The following TTI1 variants were observed in gnomAD, a reference collection of about 807,000 sequenced individuals.
TTI1 encodes the protein TELO2-interacting protein 1 homolog.
TTI1 carries 52 observed loss-of-function variants against 85.4 expected under a neutral mutation model. The ratio of observed to expected loss-of-function variants is 0.61; its 90% CI spans 0.49 to 0.77. TTI1 has a LOEUF of 0.77. Ranked by LOEUF, TTI1 falls within the 30% of genes least tolerant of loss-of-function variation. The probability of loss-of-function intolerance (pLI) is 0.00; values close to 1 mark genes in which losing one functional copy is unlikely to be tolerated. For synonymous variants in TTI1, 512 were observed against 503.9 expected (o/e 1.02, Z -0.22); for missense variants, 1,173 against 1,296.0 (o/e 0.91, Z 1.46).
intron 7 of TTI1, 50 bp from the exon 8 acceptor site, chr20:37,983,689 G>A (rs981692383): frequency 2.8e-6 from 4 of 1,420,970 alleles, no homozygotes; most frequent in Non-Finnish European, 2.8e-6. Context: ...AGGGAAGGCG[G>A]GGAATGCTAC....
At chr20:37,995,393 C>T (rs180984513) in intron 7 of TTI1, among the ~76,000 whole-genome samples, 32 of 152,386 alleles carry the variant, frequency 2.1e-4, no homozygotes, top group African/African-American at 7.5e-4. Flanking sequence ...CTTTCCACTC[C>T]TCAGGGAATG....
chr20:37,983,567 C>T lies in TTI1; in HGVS notation c.3159G>A (p.Val1053=). ...WFLLNELYCP[V]QFTPPHPSLH... ...GGCTGGGGTGGGGAGGTGTGAACTG[C>T]ACGGGGCAGTAAAGCTCGTTCAGGA... Residue 1053 remains valine, a synonymous_variant, in exon 8 of 8, where the codon GTG becomes GTA. Transcript: ENST00000373447. 1.2e-6 allele frequency: 2 copies of T among 1,602,930 alleles called. No homozygotes were observed. The highest frequency in any genetic ancestry group is 1.7e-5 in the Admixed American group (1 of 58,276).
At chr20:38,005,523 T>C (rs145581792) in intron 3 of TTI1, among the ~76,000 whole-genome samples, 153 of 152,232 alleles carry the variant, frequency 1.0e-3, no homozygotes, top group Non-Finnish European at 1.5e-3. Flanking sequence ...GAAAGAAGCT[T>C]ATAAAGACAT....
intron 1 of TTI1, among the ~76,000 whole-genome samples, chr20:38,017,824 C>T (rs893099022): frequency 2.6e-4 from 40 of 152,150 alleles, no homozygotes; most frequent in Non-Finnish European, 3.2e-4. Flanking sequence ...CTCCTAAAGG[C>T]TTTCATGTCT....
At chr20:37,997,455 C>T (rs2073358902) in intron 5 of TTI1, among the ~76,000 whole-genome samples, 1 of 152,188 alleles carries the variant, frequency 6.6e-6, no homozygotes, top group African/African-American at 2.4e-5. Flanking sequence ...GGCAGGGTCC[C>T]TGAAGTTGCA....
chr20:37,999,079 T>C, intron 5 of TTI1, 109 bp downstream of exon 5: 1 of 1,173,360 alleles, frequency 8.5e-7, no homozygotes, highest in South Asian at 3.6e-5. Flanking sequence ...TTCTTCACAG[T>C]ATGTGACATT....
chr20:38,014,586 T>C (rs185955137), intron 1 of TTI1, among the ~76,000 whole-genome samples: 1 of 151,990 alleles, frequency 6.6e-6, no homozygotes, highest in East Asian at 1.9e-4. Context: ...GACAGCAACA[T>C]AAAGCGAAAG....
At chr20:38,025,403 C>T (rs1305139503) in intron 1 of TTI1, among the ~76,000 whole-genome samples, 4 of 151,796 alleles carry the variant, frequency 2.6e-5, no homozygotes, top group African/African-American at 9.7e-5. Flanking sequence ...ACCGTATCTC[C>T]ACTAAAAATA....
chr20:37,995,302 A>G lies in TTI1; in HGVS notation c.3086+1073T>C, dbSNP rs2073323210. ...CAGCAAAGGACAATAAATCAATTCA[A>G]GAAGATATTACCATCACTCCCAGGG... On this transcript the variant is annotated intron_variant, in intron 7 of 7. Transcript: ENST00000373447. Among the ~76,000 whole-genome samples, 3 of 152,242 alleles carry G rather than the reference A, an allele frequency of 2.0e-5. No individual in the cohort carries two copies. The South Asian group carries it at 6.2e-4, about 32-fold the overall frequency.
chr20:37,999,206 T>C lies in TTI1; in HGVS notation c.2775A>G (p.Ala925=), dbSNP rs772762850. ...GCAGTACCTTGAAGGCTCTAAGCAC[T>C]GCCAGGGGGGCGTCCCGTGTGAGTC... ...VHRLTRDAPL[A]VLRAFKVLRT... Residue 925 remains alanine, a synonymous_variant, in exon 5 of 8, where the codon GCA becomes GCG. Coordinates refer to ENST00000373447, the MANE Select transcript of TTI1 (RefSeq NM_001303457.2). 2 of 1,479,702 alleles carry C rather than the reference T, an allele frequency of 1.4e-6. No homozygotes were observed. The highest frequency in any genetic ancestry group is 1.8e-6 in the Non-Finnish European group (2 of 1,111,346). The allele number at this position is 1,479,702 out of a possible 1,614,324, so 91.7% of individuals were successfully genotyped here.
chr20:38,010,467 C>CTTTTT (rs764386880), intron 2 of TTI1, among the ~76,000 whole-genome samples: 18 of 104,422 alleles, frequency 1.7e-4, no homozygotes, highest in South Asian at 6.5e-4. Context: ...TTTGCCATTC[C>CTTTTT]TTTTTTTTTT....
At chr20:38,000,916 G>A (rs550059859) in intron 4 of TTI1, among the ~76,000 whole-genome samples, 144 of 152,278 alleles carry the variant, frequency 9.5e-4, no homozygotes, top group Non-Finnish European at 1.8e-3. Context: ...GGCCTTCCCC[G>A]ATGACCTAGG....
At chr20:38,021,755 G>A (rs1028574574) in intron 1 of TTI1, among the ~76,000 whole-genome samples, 3 of 152,078 alleles carry the variant, frequency 2.0e-5, no homozygotes, top group Non-Finnish European at 2.9e-5. Context: ...CACTGCCCCC[G>A]GCAAGCCTAT....
chr20:38,004,997 C>T (rs1360332646), intron 3 of TTI1, among the ~76,000 whole-genome samples: 1 of 152,082 alleles, frequency 6.6e-6, no homozygotes, highest in Non-Finnish European at 1.5e-5. Flanking sequence ...AGCAATGACT[C>T]AATTCTGCAT....
At chr20:38,031,885 G>GT (rs1254553283) in intron 1 of TTI1, among the ~76,000 whole-genome samples, 3 of 152,200 alleles carry the variant, frequency 2.0e-5, no homozygotes, top group Non-Finnish European at 4.4e-5. Flanking sequence ...TAAGACTGAT[G>GT]TAAGAATTAA....
Position 37,983,450 on chromosome 20 carries a change from G to A in TTI1, c.*6C>T. 1.2e-6 allele frequency: 2 copies of A among 1,608,606 alleles called. No homozygotes were observed. The highest frequency in any genetic ancestry group is 2.2e-5 in the South Asian group (2 of 90,808). On this transcript the variant is annotated 3_prime_UTR_variant, in exon 8 of 8. Transcript: ENST00000373447. ...GATCGGTGGCCTCTGTGGTGGGGGAGCAGGGTCACTGCAGCTCCTTGAGCA... is the reference window on the plus strand; with the variant it reads ...GATCGGTGGCCTCTGTGGTGGGGGAACAGGGTCACTGCAGCTCCTTGAGCA...
chr20:38,008,703 A>G (rs1295963872), intron 2 of TTI1, among the ~76,000 whole-genome samples: 25 of 152,170 alleles, frequency 1.6e-4, no homozygotes, highest in Non-Finnish European at 1.5e-4. Context: ...GTTCTCTGAG[A>G]ACACATTTCC....
At chr20:38,015,124 G>A (rs2073662615) in intron 1 of TTI1, among the ~76,000 whole-genome samples, 2 of 152,116 alleles carry the variant, frequency 1.3e-5, no homozygotes, top group South Asian at 4.2e-4. Context: ...TCCCGAACTC[G>A]GTGGCTATAG....
chr20:38,024,636 C>T (rs1047348662), intron 1 of TTI1, among the ~76,000 whole-genome samples: 4 of 152,148 alleles, frequency 2.6e-5, no homozygotes, highest in Admixed American at 6.5e-5. Context: ...GGACAACAAA[C>T]GCTCTACTCC....
Sources: gnomAD v4.1 joint callset for allele counts (sites outside exome capture counted in the v4.1 genomes callset) on GRCh38, gnomAD v4.1.1 for gene constraint, MANE v1.5 for transcripts, NCBI Gene and HGNC (gene_info 2026-07-23, HGNC 2026-07-21) for gene names.